The following PRPF38A variants were observed in gnomAD, a reference collection of about 807,000 sequenced individuals.
PRPF38A encodes the protein pre-mRNA processing factor 38A, also known as pre-mRNA-splicing factor 38A.
A neutral mutation model predicts 46.8 loss-of-function variants in PRPF38A; 11 were observed. That is an observed-to-expected ratio of 0.24 (90% CI 0.15 to 0.39). The LOEUF is 0.39. Ranked by LOEUF, PRPF38A falls within the 10% of genes least tolerant of loss-of-function variation. The pLI, the probability that PRPF38A is intolerant of heterozygous loss-of-function variation, is 1.00. For missense variants in PRPF38A, 261 were observed against 407.5 expected (o/e 0.64, Z 3.10); for synonymous variants, 124 against 136.2 (o/e 0.91, Z 0.62).
rs904576225 is a variant in PRPF38A, at chr1:52,419,521, C to G, written c.*2831C>G. ...GAAAAGAACGATCACAGATTGCCCA[C>G]TCCCTCAAAAAGGTTAATGTGACAG... is the stretch of plus-strand genomic sequence containing the variant. On this transcript the variant is annotated 3_prime_UTR_variant, in exon 10 of 10. Coordinates refer to ENST00000257181, the MANE Select transcript of PRPF38A (RefSeq NM_032864.4). 5 of 151,900 alleles carry G rather than the reference C, an allele frequency of 3.3e-5. No homozygotes were observed. The highest frequency in any genetic ancestry group is 1.2e-4 in the African/African-American group (5 of 41,324). 9.4% of individuals were successfully genotyped at this position (151,900 alleles called of 1,614,324 possible). A position where few individuals can be genotyped will look rare whatever the true frequency, so the allele number is the denominator to read the frequency against.
At chr1:52,407,375 C>T (rs1337286812) in intron 2 of PRPF38A, among the ~76,000 whole-genome samples, 1 of 152,066 alleles carries the variant, frequency 6.6e-6, no homozygotes, top group Non-Finnish European at 1.5e-5. Context: ...TAGGCACTTA[C>T]TGTGTGCTCT....
chr1:52,407,843 G>A (rs140908352), intron 2 of PRPF38A, among the ~76,000 whole-genome samples: 1 of 152,234 alleles, frequency 6.6e-6, no homozygotes, highest in East Asian at 1.9e-4. Context: ...ATCACCTGAG[G>A]TCAGGAGTTT....
At chr1:52,411,332 C>T (rs1007930625) in intron 4 of PRPF38A, 132 bp downstream of exon 4, 3 of 625,068 alleles carry the variant, frequency 4.8e-6, no homozygotes, top group South Asian at 4.0e-5. Context: ...GTCTTCCTGT[C>T]TGGGAGTCCC....
At chr1:52,409,699 G>A (rs1332064988) in intron 3 of PRPF38A, 1 of 152,212 alleles carries the variant, frequency 6.6e-6, no homozygotes, top group African/African-American at 2.4e-5. Context: ...GTCACATACT[G>A]TGCTATGTGG....
Position 52,414,722 on chromosome 1 carries a change from T to TG in PRPF38A, c.750-39dup, listed in dbSNP as rs1484174066. The TG allele has an allele frequency of 4.3e-6, 7 of 1,613,764 alleles. No individual in the cohort carries two copies. The South Asian group carries it at 7.7e-5, about 18-fold the overall frequency. On this transcript the variant is annotated intron_variant, in intron 7 of 9. Coordinates refer to ENST00000257181, the MANE Select transcript of PRPF38A (RefSeq NM_032864.4). The stretch of plus-strand genomic sequence containing the variant: ...GGTGGTATTGGTGTTATATGTATAT[T>TG]GCTAACCAGATCTGGTAGTCTGACC...
intron 1 of PRPF38A, among the ~76,000 whole-genome samples, chr1:52,405,463 G>C (rs1647953422): frequency 6.6e-6 from 1 of 152,108 alleles, no homozygotes; most frequent in African/African-American, 2.4e-5. Flanking sequence ...TGTTAAAAAA[G>C]GTTAAGTGAG....
At chr1:52,414,504 C>T (rs1648235194) in intron 6 of PRPF38A, 117 bp from the exon 7 acceptor site, 2 of 1,056,548 alleles carry the variant, frequency 1.9e-6, no homozygotes, top group Non-Finnish European at 2.9e-6. Flanking sequence ...TGACAAAAGA[C>T]ATGGATACAG....
rs1306610146 is a variant in PRPF38A, at chr1:52,404,937, G to A, written c.130+58G>A. The A allele has an allele frequency of 3.1e-6, 5 of 1,594,156 alleles. No individual in the cohort carries two copies. The South Asian group carries it at 3.4e-5, about 11-fold the overall frequency. ...CCCTTGTGGCCCATTTCTCCTGACC[G>A]AGCGCGGGTAGGACTAGCGACTGGC... On this transcript the variant is annotated intron_variant, in intron 1 of 9. Transcript: ENST00000257181.
intron 9 of PRPF38A, among the ~76,000 whole-genome samples, chr1:52,415,936 G>A (rs1648279217): frequency 6.8e-6 from 1 of 147,462 alleles, no homozygotes; most frequent in African/African-American, 2.6e-5. Flanking sequence ...TCCACCTCCT[G>A]GGCTCACGCC....
intron 8 of PRPF38A, 66 bp downstream of exon 8, chr1:52,414,925 T>C: frequency 6.8e-7 from 1 of 1,463,952 alleles, no homozygotes; most frequent in Non-Finnish European, 9.6e-7. Flanking sequence ...GTAGTTAGCC[T>C]CCTGCAGTAC....
chr1:52,413,952 C>G lies in PRPF38A; in HGVS notation c.683C>G (p.Thr228Arg). Residue 228 changes from threonine to arginine, a missense_variant, in exon 6 of 10, where the codon ACA becomes AGA. By Grantham distance (71) the Thr-to-Arg change is moderately conservative. Coordinates refer to ENST00000257181, the MANE Select transcript of PRPF38A (RefSeq NM_032864.4). The part of the protein sequence containing the change: ...RDLDKPRRSP[T>R]LRYRRSRSRS... Reference sequence around the variant, plus strand: ...TTGGACAAGCCCCGTCGCTCTCCCACACTGCGCTACAGGAGGAGTAGGAGC... The same window carrying G: ...TTGGACAAGCCCCGTCGCTCTCCCAGACTGCGCTACAGGAGGAGTAGGAGC... 6.2e-7 allele frequency: 1 copy of G among 1,613,882 alleles called. No homozygotes were observed. The highest frequency in any genetic ancestry group is 8.5e-7 in the Non-Finnish European group (1 of 1,179,828).
rs1048903966 is a variant in PRPF38A at position 52,420,365 on chromosome 1, A to C, written c.*3675A>C. ...TTAAAAATAATGGGCAATGATTATA[A>C]AGTCAAATATTATGAACACTGTCTA... is the stretch of plus-strand genomic sequence containing the variant. On this transcript the variant is annotated 3_prime_UTR_variant, in exon 10 of 10. Transcript: ENST00000257181. 7.2e-5 allele frequency: 11 copies of C among 152,220 alleles called. No individual in the cohort carries two copies. The highest frequency in any genetic ancestry group is 7.2e-4 in the Admixed American group (11 of 15,272). The allele number at this position is 152,220 out of a possible 1,614,324, so 9.4% of individuals were successfully genotyped here. A position where few individuals can be genotyped will look rare whatever the true frequency, so the allele number is the denominator to read the frequency against.
At position 52,414,610 on chromosome 1, in the gene PRPF38A, C is replaced by T; in HGVS notation, c.723-11C>T. Reference sequence around the variant, plus strand: ...CCAACCTAGGCTTTCTTCTTCCTCTCCTCTTTATAGGCGGAGTCGATCTCC... The same window carrying T: ...CCAACCTAGGCTTTCTTCTTCCTCTTCTCTTTATAGGCGGAGTCGATCTCC... On this transcript the variant is annotated splice_polypyrimidine_tract_variant and intron_variant, in intron 6 of 9. Transcript: ENST00000257181. 7.4e-6 allele frequency: 12 copies of T among 1,613,204 alleles called. No homozygotes were observed. The highest frequency in any genetic ancestry group is 5.9e-6 in the Non-Finnish European group (7 of 1,179,978).
At chr1:52,410,461 G>GTA (rs570938905) in intron 3 of PRPF38A, among the ~76,000 whole-genome samples, 1,641 of 146,952 alleles carry the variant, frequency 0.011, 27 homozygotes, top group African/African-American at 0.037. Context: ...ATATATAGAT[G>GTA]TATATATATA....
chr1:52,404,648 T>G lies in PRPF38A; in HGVS notation c.-102T>G. 7.4e-7 allele frequency: 1 copy of G among 1,359,618 alleles called. No individual in the cohort carries two copies. Among genetic ancestry groups the G allele is most frequent in the Non-Finnish European group, 1.0e-6 (1 of 991,608 alleles). 84.2% of individuals were successfully genotyped at this position (1,359,618 alleles called of 1,614,324 possible). A position where few individuals can be genotyped will look rare whatever the true frequency, so the allele number is the denominator to read the frequency against. ...CAAGATGGTCGCCTAAGCTGTTTAG[T>G]GAAACTTCTTCCACCTTTCTCCATT... is the stretch of plus-strand genomic sequence containing the variant. On this transcript the variant is annotated 5_prime_UTR_variant, in exon 1 of 10. Coordinates refer to ENST00000257181, the MANE Select transcript of PRPF38A (RefSeq NM_032864.4).
chr1:52,418,268 A>G lies in PRPF38A; in HGVS notation c.*1578A>G, dbSNP rs1648348953. The G allele has an allele frequency of 6.6e-6, 1 of 152,376 alleles. No homozygotes were observed. Among genetic ancestry groups the G allele is most frequent in the South Asian group, 2.1e-4 (1 of 4,838 alleles). 9.4% of individuals were successfully genotyped at this position (152,376 alleles called of 1,614,324 possible). On this transcript the variant is annotated 3_prime_UTR_variant, in exon 10 of 10. Coordinates refer to ENST00000257181, the MANE Select transcript of PRPF38A (RefSeq NM_032864.4). The stretch of plus-strand genomic sequence containing the variant: ...AAGAGCTCTTACGGTTTCTGATAGA[A>G]CTATATAGGACTACCTTTTAAGATT...
At chr1:52,414,492 C>G in intron 6 of PRPF38A, 129 bp from the exon 7 acceptor site, 2 of 935,264 alleles carry the variant, frequency 2.1e-6, no homozygotes, top group Non-Finnish European at 3.4e-6. Context: ...GCTAGAGTTA[C>G]GTGACAAAAG....
chr1:52,405,152 G>GT (rs1226329822), intron 1 of PRPF38A, among the ~76,000 whole-genome samples: 1 of 152,230 alleles, frequency 6.6e-6, no homozygotes, highest in Non-Finnish European at 1.5e-5. Context: ...TTGCAACAGT[G>GT]TTAAGCTCAG....
chr1:52,408,480 GT>G (rs754006957), intron 2 of PRPF38A, 88 bp from the exon 3 acceptor site: 2 of 1,557,820 alleles, frequency 1.3e-6, no homozygotes, highest in Non-Finnish European at 1.8e-6. Context: ...AGAAGAACAT[GT>G]TTATCCACTA....
Sources: allele counts gnomAD v4.1 joint callset (sites outside exome capture counted in the v4.1 genomes callset), GRCh38; gene constraint gnomAD v4.1.1; transcripts MANE v1.5; gene names NCBI Gene and HGNC (gene_info 2026-07-23, HGNC 2026-07-21).